DCC: variants seen among roughly 807,000 people sequenced by gnomAD.
DCC encodes the protein DCC netrin 1 receptor, also known as netrin receptor DCC.
A neutral mutation model predicts 172.5 loss-of-function variants in DCC; 58 were observed. The ratio of observed to expected loss-of-function variants is 0.34; its 90% confidence interval spans 0.27 to 0.42. The LOEUF is 0.42. Among genes scored for constraint, DCC ranks in the 10% least tolerant of loss-of-function variants. The probability of loss-of-function intolerance (pLI) is 1.00; values close to 1 mark genes in which losing one functional copy is unlikely to be tolerated. For synonymous variants in DCC, 709 were observed against 644.5 expected (o/e 1.10, Z -1.52); for missense variants, 1,740 against 1,791.0 (o/e 0.97, Z 0.51).
chr18:53,305,687 T>C lies in DCC; in HGVS notation c.2021T>C (p.Leu674Pro). The C allele has an allele frequency of 1.9e-6, 3 of 1,614,020 alleles. No individual in the cohort carries two copies. The highest frequency in any genetic ancestry group is 2.5e-6 in the Non-Finnish European group (3 of 1,179,922). The change falls in exon 13 of 29, where the codon CTG (leucine) becomes CCG (proline). Residue 674 changes from leucine to proline, a missense_variant. Leu to Pro is a moderately conservative substitution (Grantham distance 98, BLOSUM62 -3). Transcript: ENST00000442544. ...ACCCGCAGGGGTGAGATGGAAACACTGGAGCCAAACAACCTCTGGTACCTA... is the reference window on the plus strand; with the variant it reads ...ACCCGCAGGGGTGAGATGGAAACACCGGAGCCAAACAACCTCTGGTACCTA... ...KTTRRGEMET[L>P]EPNNLWYLFT...
At chr18:52,472,640 C>A (rs879831750) in intron 1 of DCC, among the ~76,000 whole-genome samples, 1 of 152,160 alleles carries the variant, frequency 6.6e-6, no homozygotes, top group Admixed American at 6.6e-5. Flanking sequence ...CAGTGGCTCA[C>A]GCCTGCTATC....
At chr18:52,458,452 C>T (rs1343162144) in intron 1 of DCC, among the ~76,000 whole-genome samples, 1 of 152,176 alleles carries the variant, frequency 6.6e-6, no homozygotes, top group Non-Finnish European at 1.5e-5. Flanking sequence ...CTTCTTCCCA[C>T]AGCTATTAGG....
At chr18:52,722,839 T>C (rs1377132820) in intron 1 of DCC, among the ~76,000 whole-genome samples, 1 of 152,212 alleles carries the variant, frequency 6.6e-6, no homozygotes, top group Non-Finnish European at 1.5e-5. Context: ...CTCTCCTGTC[T>C]GCTGTATTCC....
At chr18:52,415,961 T>C (rs1284886178) in intron 1 of DCC, among the ~76,000 whole-genome samples, 1 of 152,134 alleles carries the variant, frequency 6.6e-6, no homozygotes, top group East Asian at 1.9e-4. Flanking sequence ...TTAATTGTGA[T>C]GTTAGGGTGT....
At chr18:52,460,635 C>T (rs539180289) in intron 1 of DCC, among the ~76,000 whole-genome samples, 18 of 152,268 alleles carry the variant, frequency 1.2e-4, no homozygotes, top group African/African-American at 3.6e-4. Flanking sequence ...TAGTACACAC[C>T]TAGGCTATAT....
chr18:53,240,026 TAAAAAAAAAAA>T (rs68158437), intron 12 of DCC, among the ~76,000 whole-genome samples: 5 of 69,044 alleles, frequency 7.2e-5, no homozygotes, highest in Admixed American at 3.7e-4. Flanking sequence ...GTTCTAGAGT[TAAAAAAAAAAA>T]AAAAAAAAAA....
chr18:52,756,480 A>G (rs999183526), intron 2 of DCC, among the ~76,000 whole-genome samples: 9 of 152,186 alleles, frequency 5.9e-5, no homozygotes, highest in African/African-American at 2.2e-4. Context: ...ACTCACCCAT[A>G]TATGTGCATA....
chr18:53,346,188 T>C (rs2057722594), intron 15 of DCC, among the ~76,000 whole-genome samples: 1 of 152,104 alleles, frequency 6.6e-6, no homozygotes, highest in Admixed American at 6.6e-5. Context: ...TAATATATAC[T>C]TTTTTATTTT....
chr18:53,091,861 A>ATCTATC (rs772452207), intron 7 of DCC, among the ~76,000 whole-genome samples: 1 of 63,322 alleles, frequency 1.6e-5, no homozygotes, highest in Admixed American at 1.7e-4. Context: ...CAATCTATCT[A>ATCTATC]TATATATATA....
At chr18:52,631,159 A>G (rs2034667236) in intron 1 of DCC, among the ~76,000 whole-genome samples, 2 of 152,160 alleles carry the variant, frequency 1.3e-5, no homozygotes, top group Admixed American at 1.3e-4. Flanking sequence ...TTAAAAATAA[A>G]TCCATTCATG....
rs770642527 is a variant in DCC at position 53,179,111 on chromosome 18, C to G, written c.1568C>G (p.Pro523Arg). The G allele has an allele frequency of 6.2e-7, 1 of 1,613,656 alleles. No homozygotes were observed. Among genetic ancestry groups the G allele is most frequent in the East Asian group, 2.2e-5 (1 of 44,858 alleles). Residue 523 changes from proline (P) to arginine (R), a missense_variant, in exon 9 of 29, where the codon CCT becomes CGT. By Grantham distance (103) the Pro-to-Arg change is moderately radical (BLOSUM62 -2). Around this residue, in one of 2 missense-constraint regions of DCC, gnomAD observed 1,732 missense variants for 1,767.4 expected, o/e 0.98. Coordinates refer to ENST00000442544, the MANE Select transcript of DCC (RefSeq NM_005215.4). The stretch of plus-strand genomic sequence containing the variant: ...CAACCCATCAAGGTGGCCACACAGC[C>G]TGAGTGTGAGTATGAAAAGGAACGG... ...SSQPIKVATQ[P>R]ELQVPGPVEN...
In DCC at chr18:52,515,606, C is replaced by CAAAAAAAAAAAAAAAA. The variant is rs58112743; in HGVS notation, c.91+174733_91+174748dup. On this transcript the variant is annotated intron_variant, in intron 1 of 28. Transcript: ENST00000442544. ...TGGGCGACAGAGCGAAACCCTGTCT[C>CAAAAAAAAAAAAAAAA]AAAAAAAAAAAAAAAAAAAATCATA... 5.1e-3 allele frequency among the ~76,000 whole-genome samples: 53 copies of CAAAAAAAAAAAAAAAA among 10,298 alleles called. 8 individuals carry two copies. The highest frequency in any genetic ancestry group is 8.8e-3 in the Non-Finnish European group (35 of 3,956). 6.8% of individuals were successfully genotyped at this position (10,298 alleles called of 152,430 possible). A position where few individuals can be genotyped will look rare whatever the true frequency, so the allele number is the denominator to read the frequency against.
chr18:52,907,307 C>CAT (rs1555680328), intron 3 of DCC, among the ~76,000 whole-genome samples: 1 of 101,516 alleles, frequency 9.9e-6, no homozygotes, highest in East Asian at 2.6e-4. Context: ...TGGATATATA[C>CAT]ATATGTATAT....
At chr18:52,503,022 G>A (rs1363450821) in intron 1 of DCC, among the ~76,000 whole-genome samples, 1 of 152,144 alleles carries the variant, frequency 6.6e-6, no homozygotes, top group Non-Finnish European at 1.5e-5. Context: ...CTGCCGTGCT[G>A]CTCAGAAGGG....
At chr18:53,191,433 A>G (rs888228216) in intron 9 of DCC, among the ~76,000 whole-genome samples, 2 of 145,490 alleles carry the variant, frequency 1.4e-5, no homozygotes, top group African/African-American at 5.0e-5. Flanking sequence ...TCATATTTTT[A>G]TAGTATTTTT....
At chr18:53,290,016 G>A (rs1051718756) in intron 12 of DCC, among the ~76,000 whole-genome samples, 3 of 152,112 alleles carry the variant, frequency 2.0e-5, no homozygotes, top group Non-Finnish European at 4.4e-5. Context: ...CACAAGGACA[G>A]GTATTTTATC....
intron 9 of DCC, among the ~76,000 whole-genome samples, chr18:53,190,568 AAC>A (rs2055351897): frequency 1.3e-5 from 2 of 151,966 alleles, no homozygotes; most frequent in African/African-American, 4.8e-5. Context: ...ACCTTTTGAT[AAC>A]AGTTCTTTAA....
At chr18:53,384,879 G>C (rs1446260253) in intron 15 of DCC, among the ~76,000 whole-genome samples, 1 of 150,500 alleles carries the variant, frequency 6.6e-6, no homozygotes, top group Non-Finnish European at 1.5e-5. Flanking sequence ...GCAGAGTCTC[G>C]CTGTGTCGCG....
At chr18:53,220,688 C>G (rs1465411054) in intron 12 of DCC, among the ~76,000 whole-genome samples, 1 of 152,212 alleles carries the variant, frequency 6.6e-6, no homozygotes, top group Non-Finnish European at 1.5e-5. Flanking sequence ...TGTCCTCAAT[C>G]ATAACACAGA....
Sources: allele counts gnomAD v4.1 joint callset (sites outside exome capture counted in the v4.1 genomes callset), GRCh38; gene constraint gnomAD v4.1.1; regional missense constraint gnomAD v4.1.1; transcripts MANE v1.5; gene names NCBI Gene and HGNC (gene_info 2026-07-23, HGNC 2026-07-21).